DLEC1: variants seen among roughly 807,000 people sequenced by gnomAD.
DLEC1 encodes the protein DLEC1 cilia and flagella associated protein.
A neutral mutation model predicts 198.1 loss-of-function variants in DLEC1; 146 were observed. That is an observed-to-expected ratio of 0.74 (90% CI 0.64 to 0.85). The LOEUF is 0.85. DLEC1 is among the 40% of genes least tolerant of loss of function. The probability of loss-of-function intolerance (pLI) is 0.00; values close to 1 mark genes in which losing one functional copy is unlikely to be tolerated. For missense variants in DLEC1, 2,233 were observed against 2,220.0 expected, an observed-to-expected ratio of 1.01 and a Z score of -0.12; for synonymous variants, 897 against 866.8, an observed-to-expected ratio of 1.03 and a Z score of -0.61.
chr3:38,095,803 A>G, intron 13 of DLEC1, 85 bp from the exon 14 acceptor site: 2 of 1,556,632 alleles, frequency 1.3e-6, no homozygotes, highest in Non-Finnish European at 1.8e-6. Context: ...TAAGGGGAGG[A>G]AGAATTCCTG....
At chr3:38,114,276 C>T (rs908081160) in intron 25 of DLEC1, 66 bp from the exon 26 acceptor site, 4 of 1,536,780 alleles carry the variant, frequency 2.6e-6, no homozygotes, top group African/African-American at 1.4e-5. Context: ...AAGTGGAGGC[C>T]TTGCCCAGAG....
chr3:38,115,482 G>A (rs960027157), intron 27 of DLEC1, among the ~76,000 whole-genome samples: 1 of 151,800 alleles, frequency 6.6e-6, no homozygotes, highest in Admixed American at 6.6e-5. Context: ...CCCTGTGGAG[G>A]GGAGGCAGAG....
Position 38,123,086 on chromosome 3 carries a change from T to G in DLEC1, c.*674T>G, listed in dbSNP as rs1252633676. 1 of 1,614,102 alleles carries G rather than the reference T, an allele frequency of 6.2e-7. No homozygotes were observed. The highest frequency in any genetic ancestry group is 8.5e-7 in the Non-Finnish European group (1 of 1,180,004). ...ATTCAAAGACGGCAGCGGCTCCCAT[T>G]CCAGTCCCGATGCACATGGACACCA... On this transcript the variant is annotated 3_prime_UTR_variant, in exon 37 of 37. Coordinates refer to ENST00000308059, the MANE Select transcript of DLEC1 (RefSeq NM_007335.4).
intron 7 of DLEC1, among the ~76,000 whole-genome samples, chr3:38,084,729 C>A (rs950762242): frequency 1.3e-5 from 2 of 151,748 alleles, no homozygotes; most frequent in Non-Finnish European, 2.9e-5. Flanking sequence ...ATCAGCAGTC[C>A]TTGAGGGCTC....
intron 19 of DLEC1, among the ~76,000 whole-genome samples, chr3:38,107,032 A>G (rs2125715640): frequency 6.6e-6 from 1 of 152,306 alleles, no homozygotes; most frequent in East Asian, 1.9e-4. Context: ...CTGGAGATAT[A>G]GGCAAATACT....
intron 25 of DLEC1, among the ~76,000 whole-genome samples, chr3:38,113,722 T>A (rs909346298): frequency 6.6e-6 from 1 of 151,958 alleles, no homozygotes; most frequent in African/African-American, 2.4e-5. Flanking sequence ...AATCCTATAT[T>A]GTTAAAAGAA....
intron 27 of DLEC1, among the ~76,000 whole-genome samples, chr3:38,115,349 C>T (rs1700098722): frequency 6.6e-6 from 1 of 152,166 alleles, no homozygotes; most frequent in Non-Finnish European, 1.5e-5. Flanking sequence ...AGGGTTTCTG[C>T]CGAGGGGCTT....
At chr3:38,053,563 C>T (rs183710372) in intron 2 of DLEC1, among the ~76,000 whole-genome samples, 9 of 148,712 alleles carry the variant, frequency 6.1e-5, no homozygotes, top group South Asian at 4.2e-4. Context: ...GCAGCTGCCC[C>T]GTCCGGGAGG....
At position 38,095,114 on chromosome 3, in the gene DLEC1, T is replaced by G. The variant is rs141001667; in HGVS notation, c.2112+43T>G. 6.9e-6 allele frequency: 11 copies of G among 1,604,140 alleles called. No individual in the cohort carries two copies. The African/African-American group carries it at 1.5e-4, about 21-fold the overall frequency. ...TCAGTAGCCACACATGGTTGGATCA[T>G]GTATTTAGACCCCCCACCTGTGTTC... On this transcript the variant is annotated intron_variant, in intron 13 of 36. Coordinates refer to ENST00000308059, the MANE Select transcript of DLEC1 (RefSeq NM_007335.4).
intron 34 of DLEC1, among the ~76,000 whole-genome samples, chr3:38,121,058 G>A (rs1422959723): frequency 2.0e-5 from 3 of 152,234 alleles, no homozygotes; most frequent in Non-Finnish European, 2.9e-5. Flanking sequence ...AGGCTAAGCA[G>A]GGGCTGCTAG....
At chr3:38,049,267 C>T (rs1418753575) in intron 2 of DLEC1, among the ~76,000 whole-genome samples, 4 of 152,122 alleles carry the variant, frequency 2.6e-5, no homozygotes, top group Admixed American at 2.6e-4. Flanking sequence ...GAAGTAGACA[C>T]ACTAATCCAG....
chr3:38,107,530 C>T, intron 19 of DLEC1, 54 bp from the exon 20 acceptor site: 1 of 1,464,832 alleles, frequency 6.8e-7, no homozygotes, highest in South Asian at 1.4e-5. Flanking sequence ...GAAATAGGGA[C>T]AGCTTTACTT....
Position 38,062,693 on chromosome 3 carries a change from A to T in DLEC1, c.986A>T (p.Asn329Ile). 2 of 1,613,996 alleles carry T rather than the reference A, an allele frequency of 1.2e-6. No individual in the cohort carries two copies. Among genetic ancestry groups the T allele is most frequent in the Non-Finnish European group, 1.7e-6 (2 of 1,180,012 alleles). Residue 329 changes from asparagine (N) to isoleucine (I), a missense_variant, in exon 5 of 37, where the codon AAT becomes ATT. Asn to Ile is a moderately radical substitution (Grantham distance 149). Coordinates refer to ENST00000308059, the MANE Select transcript of DLEC1 (RefSeq NM_007335.4). ...RMESRNHFLK[N>I]PRFFPPNTRY... ...GAGAGTCGGAACCACTTCCTAAAAA[A>T]TCCCCGTTTTTTTCCTCCTAACACT... is the stretch of plus-strand genomic sequence containing the variant.
Position 38,117,076 on chromosome 3 carries a change from G to A in DLEC1, c.4281G>A (p.Leu1427=). 6.2e-7 allele frequency: 1 copy of A among 1,614,104 alleles called. No individual in the cohort carries two copies. Among genetic ancestry groups the A allele is most frequent in the Non-Finnish European group, 8.5e-7 (1 of 1,179,980 alleles). The change falls in exon 30 of 37, where the codon CTG becomes CTA. Residue 1427 remains leucine, a synonymous_variant. Transcript: ENST00000308059. Reference sequence around the variant, plus strand: ...AGGTGGAGTGTACTGGCTACGCCCTGGGTTTCATGAGCTTGGACAGCAAGG... The same window carrying A: ...AGGTGGAGTGTACTGGCTACGCCCTAGGTTTCATGAGCTTGGACAGCAAGG... The part of the protein sequence containing the change: ...LHKVECTGYA[L]GFMSLDSKVE...
In DLEC1 at chr3:38,116,848, G is replaced by A. The variant is rs753299575; in HGVS notation, c.4138G>A (p.Val1380Met). ...AGTCATCCTGCAGGCACATGAGGGG[G>A]TGCCCTCCGGCCACCTGTACTGTAT... is the stretch of plus-strand genomic sequence containing the variant. ...ISVILQAHEG[V>M]PSGHLYCISP... Residue 1380 changes from valine to methionine, a missense_variant, in exon 29 of 37, where the codon GTG becomes ATG. Coordinates refer to ENST00000308059, the MANE Select transcript of DLEC1 (RefSeq NM_007335.4). 1.9e-6 allele frequency: 3 copies of A among 1,613,778 alleles called. No individual in the cohort carries two copies. Among genetic ancestry groups the A allele is most frequent in the East Asian group, 2.2e-5 (1 of 44,876 alleles).
chr3:38,089,899 C>G (rs1011101148), intron 10 of DLEC1, among the ~76,000 whole-genome samples: 2 of 152,140 alleles, frequency 1.3e-5, no homozygotes, highest in African/African-American at 2.4e-5. Flanking sequence ...AAAAGAGAGA[C>G]TGGGTGCAGT....
intron 10 of DLEC1, among the ~76,000 whole-genome samples, chr3:38,089,194 C>T (rs1015758735): frequency 2.0e-5 from 3 of 152,198 alleles, no homozygotes; most frequent in Non-Finnish European, 4.4e-5. Context: ...GATCCAGCAG[C>T]CCTTATTCTT....
intron 18 of DLEC1, among the ~76,000 whole-genome samples, chr3:38,100,020 C>T (rs114072569): frequency 3.3e-5 from 5 of 152,338 alleles, no homozygotes; most frequent in Admixed American, 6.5e-5. Context: ...CACCTCCCTC[C>T]GCCTTCTATC....
intron 22 of DLEC1, 128 bp from the exon 23 acceptor site, chr3:38,109,971 G>GA (rs1699775463): frequency 9.1e-7 from 1 of 1,093,738 alleles, no homozygotes; most frequent in East Asian, 2.5e-5. Context: ...GCAGCTCAAT[G>GA]AAACAGGAGT....
Sources: gnomAD v4.1 joint callset for allele counts (sites outside exome capture counted in the v4.1 genomes callset) on GRCh38, gnomAD v4.1.1 for gene constraint, MANE v1.5 for transcripts, NCBI Gene and HGNC (gene_info 2026-07-23, HGNC 2026-07-21) for gene names.